The following C1orf94 variants were observed in gnomAD, a reference collection of about 807,000 sequenced individuals.
The protein encoded by C1orf94 is chromosome 1 open reading frame 94, also known as uncharacterized protein C1orf94.
Under a neutral mutation model 53.6 loss-of-function variants are expected in C1orf94, and 45 were observed. The observed-to-expected ratio is 0.84, with a 90% confidence interval of 0.66 to 1.08. The LOEUF (loss-of-function observed/expected upper bound fraction) is 1.08, where lower values mean the gene tolerates loss of function less well. Ranked by LOEUF, C1orf94 falls within the 50% of genes least tolerant of loss-of-function variation. The pLI is 0.00. For missense variants in C1orf94, 762 were observed against 738.9 expected, an observed-to-expected ratio of 1.03 and a Z score of -0.36; for synonymous variants, 304 against 296.1, an observed-to-expected ratio of 1.03 and a Z score of -0.27.
At position 34,178,043 on chromosome 1, in the gene C1orf94, C is replaced by A; in HGVS notation, c.254C>A (p.Ser85Tyr). The change falls in exon 1 of 7, where the codon TCC (serine) becomes TAC (tyrosine). Residue 85 changes from serine to tyrosine, a missense_variant. Physicochemically the swap from Ser to Tyr is moderately radical, Grantham distance 144 (BLOSUM62 -2). Transcript: ENST00000488417. ...CCTGAGGCCTCACAGCCCTGGACCT[C>A]CATGGAGCAGCTCTCTGTCCCTGTG... is the stretch of plus-strand genomic sequence containing the variant. Reference protein sequence around the residue: ...GLPEASQPWTSMEQLSVPVVG... With the variant: ...GLPEASQPWTYMEQLSVPVVG... The A allele has an allele frequency of 6.4e-7, 1 of 1,551,740 alleles. No individual in the cohort carries two copies. The highest frequency in any genetic ancestry group is 1.4e-5 in the African/African-American group (1 of 73,182).
chr1:34,213,122 C>G (rs4652830), intron 6 of C1orf94, among the ~76,000 whole-genome samples: 122,834 of 152,252 alleles, frequency 0.81, 49,640 homozygotes, highest in South Asian at 0.89. Flanking sequence ...CCAAGGGGCA[C>G]GTGGTGCCCT....
intron 1 of C1orf94, among the ~76,000 whole-genome samples, chr1:34,193,883 A>C (rs1771364): frequency 0.28 from 42,293 of 152,214 alleles, 6,242 homozygotes; most frequent in African/African-American, 0.37. Context: ...GGGCGGGCCC[A>C]TATGTTCTTG....
chr1:34,169,278 C>T (rs1011455291), intron 1 of C1orf94, among the ~76,000 whole-genome samples: 1 of 152,128 alleles, frequency 6.6e-6, no homozygotes, highest in Non-Finnish European at 1.5e-5. Context: ...AACAGCCTAC[C>T]CGCATCTAGC....
chr1:34,188,646 C>T lies in C1orf94; in HGVS notation c.321-8579C>T, dbSNP rs779304745. On this transcript the variant is annotated intron_variant, in intron 1 of 6. Coordinates refer to ENST00000488417, the MANE Select transcript of C1orf94 (RefSeq NM_001134734.2). ...AGGCTGTCTCAGTCAGAGCTGCTAA[C>T]ATTTGCATAGCGCTCGTTACAATTT... Among the ~76,000 whole-genome samples the T allele has an allele frequency of 2.6e-5, 4 of 152,300 alleles. No individual in the cohort carries two copies. The Middle Eastern group carries it at 0.01, about 389-fold the overall frequency.
At chr1:34,183,123 C>T (rs1051348139) in intron 1 of C1orf94, among the ~76,000 whole-genome samples, 5 of 152,112 alleles carry the variant, frequency 3.3e-5, no homozygotes, top group African/African-American at 7.2e-5. Context: ...CCTGGTTGGA[C>T]GGTGTGCCAT....
At chr1:34,199,969 T>C (rs2148618645) in intron 2 of C1orf94, among the ~76,000 whole-genome samples, 1 of 152,320 alleles carries the variant, frequency 6.6e-6, no homozygotes, top group Admixed American at 6.5e-5. Context: ...CACCCTGTTC[T>C]CCATTTCTTC....
chr1:34,176,669 A>T (rs1642230321), upstream of C1orf94, among the ~76,000 whole-genome samples: 1 of 152,114 alleles, frequency 6.6e-6, no homozygotes, highest in African/African-American at 2.4e-5. Context: ...CTTTAATAGG[A>T]TTGAATGTGA....
intron 1 of C1orf94, among the ~76,000 whole-genome samples, chr1:34,171,766 T>A (rs1346226206): frequency 6.6e-6 from 1 of 152,224 alleles, no homozygotes; most frequent in Admixed American, 6.5e-5. Context: ...ATTTTGTCTC[T>A]GCAGATGAAG....
At position 34,197,198 on chromosome 1, in the gene C1orf94, C is replaced by A. The variant is rs1642600581; in HGVS notation, c.321-27C>A. 2 of 1,487,154 alleles carry A rather than the reference C, an allele frequency of 1.3e-6. No individual in the cohort carries two copies. The highest frequency in any genetic ancestry group is 2.7e-5 in the South Asian group (2 of 72,874). 92.1% of individuals were successfully genotyped at this position (1,487,154 alleles called of 1,614,324 possible). On this transcript the variant is annotated intron_variant, in intron 1 of 6. Transcript: ENST00000488417. This position sits in a 1 kb window ranked among gnomAD's most constrained non-coding sequence, Gnocchi z 4.1. Reference sequence around the variant, plus strand: ...ACGCCTTGGTGAGCTGGCACTAACACCGTCTGTCTCTCTGACCCATTTCCA... The same window carrying A: ...ACGCCTTGGTGAGCTGGCACTAACAACGTCTGTCTCTCTGACCCATTTCCA...
intron 5 of C1orf94, among the ~76,000 whole-genome samples, chr1:34,210,675 G>C (rs1416078234): frequency 2.0e-5 from 3 of 149,686 alleles, no homozygotes; most frequent in Non-Finnish European, 4.4e-5. Context: ...TTTTTTTTTA[G>C]ACGGAGTCTC....
At chr1:34,189,543 A>G (rs1337219412) in intron 1 of C1orf94, among the ~76,000 whole-genome samples, 2 of 152,174 alleles carry the variant, frequency 1.3e-5, no homozygotes, top group African/African-American at 2.4e-5. Flanking sequence ...AGAAATAGGT[A>G]TCTGTCAGAG....
rs147607290 is a variant in C1orf94 at position 34,218,655 on chromosome 1, C to T, written c.1722-31C>T. ...TTCTCTCCGATAACATTAGGAATCT[C>T]ATCATGGCATCCACCCTCCCTCTCT... On this transcript the variant is annotated intron_variant, in intron 6 of 6. Transcript: ENST00000488417. 5.4e-5 allele frequency: 85 copies of T among 1,568,330 alleles called. No homozygotes were observed. In the African/African-American group the frequency reaches 1.0e-3, roughly 19 times the overall value.
chr1:34,197,558 C>T lies in C1orf94; in HGVS notation c.654C>T (p.Ser218=). The change falls in exon 2 of 7, where the codon AGC becomes AGT. Residue 218 remains serine (S), a synonymous_variant. Transcript: ENST00000488417. The surrounding 1 kb of genome is among the most constrained non-coding windows in gnomAD (Gnocchi z 4.1). The stretch of plus-strand genomic sequence containing the variant: ...TTCTGTGTGCCGCCGAGGTCAAGAG[C>T]AGCAAGGGGACAGAGGACAGGGGCC... ...TDILCAAEVK[S]SKGTEDRGRI... The T allele has an allele frequency of 7.4e-6, 12 of 1,614,158 alleles. No homozygotes were observed. The highest frequency in any genetic ancestry group is 9.3e-6 in the Non-Finnish European group (11 of 1,180,020).
At chr1:34,208,095 A>G in intron 4 of C1orf94, 62 bp from the exon 5 acceptor site, 4 of 1,526,714 alleles carry the variant, frequency 2.6e-6, no homozygotes, top group Non-Finnish European at 2.7e-6. Context: ...TGAGCTGAGT[A>G]GCTGATGCCT....
At chr1:34,185,390 GT>G (rs1642369948) in intron 1 of C1orf94, among the ~76,000 whole-genome samples, 1 of 152,162 alleles carries the variant, frequency 6.6e-6, no homozygotes, top group South Asian at 2.1e-4. Flanking sequence ...ATATTAGTCA[GT>G]CTGGTCTCGG....
intron 1 of C1orf94, among the ~76,000 whole-genome samples, chr1:34,185,613 C>T (rs536147897): frequency 1.3e-5 from 2 of 152,352 alleles, no homozygotes; most frequent in African/African-American, 4.8e-5. Flanking sequence ...GCCTGCCACA[C>T]GTCCTGGCAG....
chr1:34,182,913 A>G lies in C1orf94; in HGVS notation c.320+4804A>G, dbSNP rs140982463. 5.3e-5 allele frequency among the ~76,000 whole-genome samples: 8 copies of G among 152,254 alleles called. No homozygotes were observed. The East Asian group carries it at 1.5e-3, about 29-fold the overall frequency. ...GTAGAGAAGCTTTCCTCAGATTTTCAAAGAGGTGTTGACCCCTCCAAGAGG... is the reference window on the plus strand; with the variant it reads ...GTAGAGAAGCTTTCCTCAGATTTTCGAAGAGGTGTTGACCCCTCCAAGAGG... On this transcript the variant is annotated intron_variant, in intron 1 of 6. Transcript: ENST00000488417.
chr1:34,207,274 TGTGTGTGTG>T lies in C1orf94; in HGVS notation c.1447-882_1447-874del. ...AGCAGTTCTGCGGGGTGTGTGTGTG[TGTGTGTGTG>T]TGTGTGTGTGTGTGTGTGTGTCTTA... is the stretch of plus-strand genomic sequence containing the variant. On this transcript the variant is annotated intron_variant, in intron 4 of 6. Transcript: ENST00000488417. Among the ~76,000 whole-genome samples the T allele has an allele frequency of 2.1e-5, 3 of 141,612 alleles. 1 individual carries two copies. The highest frequency in any genetic ancestry group is 2.1e-4 in the South Asian group (1 of 4,656). The allele number at this position is 141,612 out of a possible 152,430, so 92.9% of individuals were successfully genotyped here. A position where few individuals can be genotyped will look rare whatever the true frequency, so the allele number is the denominator to read the frequency against.
At chr1:34,173,744 C>T (rs1642181525), upstream of C1orf94, among the ~76,000 whole-genome samples, 1 of 152,116 alleles carries the variant, frequency 6.6e-6, no homozygotes, top group Non-Finnish European at 1.5e-5. Context: ...CCAACCTGCC[C>T]AGGGTAATGT....
Sources: gnomAD v4.1 joint callset for allele counts (sites outside exome capture counted in the v4.1 genomes callset) on GRCh38, gnomAD v4.1.1 for gene constraint, Gnocchi (gnomAD v3.1) non-coding constraint, MANE v1.5 for transcripts, NCBI Gene and HGNC (gene_info 2026-07-23, HGNC 2026-07-21) for gene names.